The following CCDC3 variants were observed in gnomAD, a reference collection of about 807,000 sequenced individuals.
The protein encoded by CCDC3 is coiled-coil domain-containing protein 3.
In CCDC3, 24 loss-of-function variants were observed where a neutral mutation model predicts 21.4. The observed-to-expected ratio is 1.12, with a 90% CI of 0.81 to 1.58. The LOEUF (loss-of-function observed/expected upper bound fraction) is 1.58. Ranked by LOEUF, CCDC3 falls within the 40% of genes most tolerant of loss-of-function variation. The pLI, the probability that CCDC3 is intolerant of heterozygous loss-of-function variation, is 0.00. For synonymous variants in CCDC3, 186 were observed against 166.0 expected (o/e 1.12, Z -0.93); for missense variants, 425 against 360.9 (o/e 1.18, Z -1.44).
Position 13,018,717 on chromosome 10 carries a change from G to T in CCDC3, c.-1-20205C>A, listed in dbSNP as rs1027939721. On this transcript the variant is annotated intron_variant, in intron 5 of 6. Transcript: ENST00000378839. ...AGGCCAAGATGGGAAGACCACCTGA[G>T]TTCAGGAGTTCGAGACCAGCCTGGC... Among the ~76,000 whole-genome samples, 72 of 149,804 alleles carry T rather than the reference G, an allele frequency of 4.8e-4. 2 individuals are homozygous for T. Among genetic ancestry groups the T allele is most frequent in the Non-Finnish European group, 9.0e-4 (61 of 67,448 alleles).
intron 3 of CCDC3, among the ~76,000 whole-genome samples, chr10:13,090,534 T>C (rs895930218): frequency 1.2e-4 from 19 of 152,226 alleles, no homozygotes; most frequent in African/African-American, 4.6e-4. Flanking sequence ...ATCTCTATCC[T>C]GAGGTTCAGG....
In CCDC3 at chr10:13,067,014, G is replaced by C. The variant is rs140487428; in HGVS notation, c.-270+6854C>G. 4.3e-4 allele frequency among the ~76,000 whole-genome samples: 65 copies of C among 152,306 alleles called. No homozygotes were observed. In the East Asian group the frequency reaches 9.1e-3, roughly 21 times the overall value. The stretch of plus-strand genomic sequence containing the variant: ...AAATTCTGCAACATTTTGGCTCCTA[G>C]GTGTGGGGCTTGAGGAGGGGTGGGT... On this transcript the variant is annotated intron_variant, in intron 4 of 6. Transcript: ENST00000378839.
Position 13,001,415 on chromosome 10 carries a change from G to A in CCDC3, c.156C>T (p.His52=), listed in dbSNP as rs1435219322. The change falls in exon 1 of 3, where the codon CAC becomes CAT. Residue 52 remains histidine, a synonymous_variant. Transcript: ENST00000378825. ...TIVYARVLAL[H]PEAPGLYNHL... ...GGTTGTAGAGGCCGGGCGCCTCGGG[G>A]TGCAGCGCCAGCACCCTGGCGTACA... is the stretch of plus-strand genomic sequence containing the variant. The A allele has an allele frequency of 7.1e-6, 11 of 1,553,904 alleles. No individual in the cohort carries two copies. The highest frequency in any genetic ancestry group is 5.8e-5 in the Admixed American group (3 of 51,868).
At chr10:12,991,057 C>T (rs982356153) in intron 2 of CCDC3, among the ~76,000 whole-genome samples, 1 of 152,106 alleles carries the variant, frequency 6.6e-6, no homozygotes, top group Non-Finnish European at 1.5e-5. Context: ...TTGTTTTTGA[C>T]CAAATGATCT....
intron 2 of CCDC3, among the ~76,000 whole-genome samples, chr10:12,912,107 G>A (rs1320858453): frequency 6.6e-6 from 1 of 152,194 alleles, no homozygotes; most frequent in Non-Finnish European, 1.5e-5. Context: ...GTGAACATGG[G>A]AGTGTAGATA....
intron 4 of CCDC3, among the ~76,000 whole-genome samples, chr10:13,065,122 T>C (rs1201171642): frequency 6.6e-6 from 1 of 152,188 alleles, no homozygotes. Context: ...AAAAATAGTA[T>C]GTCTAAGTAG....
chr10:12,921,397 C>A (rs1258251936), intron 2 of CCDC3, among the ~76,000 whole-genome samples: 1 of 152,164 alleles, frequency 6.6e-6, no homozygotes, highest in African/African-American at 2.4e-5. Flanking sequence ...CCAGAGCTGG[C>A]CTGTGCAACT....
At position 12,922,752 on chromosome 10, in the gene CCDC3, G is replaced by A. The variant is rs539800178; in HGVS notation, c.550-24073C>T. 1.6e-4 allele frequency among the ~76,000 whole-genome samples: 25 copies of A among 152,202 alleles called. No homozygotes were observed. In the South Asian group the frequency reaches 5.2e-3, roughly 32 times the overall value. ...GAATCTGGCTGTTTTCTGAACCTAA[G>A]GAGTGTCAATTTCTCACCTCTTCCC... On this transcript the variant is annotated intron_variant, in intron 2 of 2. Coordinates refer to ENST00000378825, the MANE Select transcript of CCDC3 (RefSeq NM_031455.4).
chr10:12,993,330 G>T (rs1428073869), intron 2 of CCDC3, among the ~76,000 whole-genome samples: 1 of 152,178 alleles, frequency 6.6e-6, no homozygotes, highest in African/African-American at 2.4e-5. Flanking sequence ...TAGGGGATCT[G>T]CCCACGGTCA....
rs117473010 is a variant in CCDC3, at chr10:12,939,374, T to C, written c.550-40695A>G. On this transcript the variant is annotated intron_variant, in intron 2 of 2. Transcript: ENST00000378825. ...GGCTGGGTGCAGTGGCTCACGCCTGTAGTCCCGGCACTTTGGGAAGCCAAG... is the reference window on the plus strand; with the variant it reads ...GGCTGGGTGCAGTGGCTCACGCCTGCAGTCCCGGCACTTTGGGAAGCCAAG... 6.0e-3 allele frequency among the ~76,000 whole-genome samples: 907 copies of C among 152,364 alleles called. 3 individuals carry two copies. Among genetic ancestry groups the C allele is most frequent in the Non-Finnish European group, 9.1e-3 (620 of 68,036 alleles).
At position 13,020,696 on chromosome 10, in the gene CCDC3, G is replaced by T. The variant is rs545091652; in HGVS notation, c.-1-22184C>A. ...ATTATTGGATAACCAGATCAGCCTT[G>T]ATCTGAAAAATACTCCACTCAATTG... On this transcript the variant is annotated intron_variant, in intron 5 of 6. Coordinates refer to the CCDC3 transcript ENST00000378839. 3.3e-5 allele frequency among the ~76,000 whole-genome samples: 5 copies of T among 152,184 alleles called. No homozygotes were observed. In the South Asian group the frequency reaches 1.0e-3, roughly 32 times the overall value.
At chr10:12,954,675 C>T (rs1260601661) in intron 2 of CCDC3, among the ~76,000 whole-genome samples, 1 of 152,164 alleles carries the variant, frequency 6.6e-6, no homozygotes, top group Non-Finnish European at 1.5e-5. Flanking sequence ...CATTCATTCC[C>T]ACGGAGATGG....
At chr10:13,071,865 T>A (rs1201457117) in intron 4 of CCDC3, among the ~76,000 whole-genome samples, 2 of 152,134 alleles carry the variant, frequency 1.3e-5, no homozygotes, top group Non-Finnish European at 2.9e-5. Flanking sequence ...TCCTTTTTTT[T>A]TCCTCTGTCC....
chr10:13,001,205 GAAGA>G lies in CCDC3; in HGVS notation c.362_365del (p.Phe121SerfsTer100). On this transcript the variant is annotated frameshift_variant, in exon 1 of 3. Coordinates refer to ENST00000378825, the MANE Select transcript of CCDC3 (RefSeq NM_031455.4). LOFTEE classifies it high-confidence loss of function. ...GGCGCCGCCGGGCTCACCTGAGGAA[GAAGA>G]AATAGGAGTAGTCCTGGACCACGGT... 4 of 1,555,842 alleles carry G rather than the reference GAAGA, an allele frequency of 2.6e-6. No homozygotes were observed. The highest frequency in any genetic ancestry group is 3.5e-6 in the Non-Finnish European group (4 of 1,150,090).
intron 2 of CCDC3, among the ~76,000 whole-genome samples, chr10:12,936,989 C>T (rs1464123636): frequency 6.6e-6 from 1 of 152,208 alleles, no homozygotes; most frequent in East Asian, 1.9e-4. Flanking sequence ...TTTCCCTCTT[C>T]CTGGCAGCAC....
chr10:12,929,166 GCAGGATAATTGCTTGAACC>G (rs1424879473), intron 2 of CCDC3, among the ~76,000 whole-genome samples: 1 of 150,318 alleles, frequency 6.7e-6, no homozygotes, highest in Non-Finnish European at 1.5e-5. Context: ...GGAGGCTAAG[GCAGGATAATTGCTTGAACC>G]CAGGGGGTGG....
chr10:12,927,414 ACTGCCTCACAGATTTCT>A (rs1834560741), intron 2 of CCDC3, among the ~76,000 whole-genome samples: 1 of 152,196 alleles, frequency 6.6e-6, no homozygotes, highest in Non-Finnish European at 1.5e-5. Context: ...ACTCAGTACA[ACTGCCTCACAGATTTCT>A]TTTTTATATT....
At chr10:13,019,009 G>A (rs965842930) in intron 5 of CCDC3, among the ~76,000 whole-genome samples, 4 of 151,532 alleles carry the variant, frequency 2.6e-5, no homozygotes, top group Non-Finnish European at 5.9e-5. Context: ...CGAGGCGGGC[G>A]GATCACAAGG....
intron 5 of CCDC3, among the ~76,000 whole-genome samples, chr10:13,044,361 C>T (rs549609425): frequency 5.3e-5 from 8 of 152,106 alleles, no homozygotes; most frequent in African/African-American, 1.9e-4. Context: ...TAATTGGATC[C>T]CATTTGTCAA....
Sources: gnomAD v4.1 joint callset for allele counts (sites outside exome capture counted in the v4.1 genomes callset) on GRCh38, gnomAD v4.1.1 for gene constraint, MANE v1.5 for transcripts, NCBI Gene and HGNC (gene_info 2026-07-23, HGNC 2026-07-21) for gene names.